Variants in CATSPERT observed in about 807,000 individuals in gnomAD.
CATSPERT encodes cation channel sperm-associated targeting subunit tau.
chr2:201,581,664 A>C, the CATSPERT span, among the ~76,000 whole-genome samples: 1 of 140,882 alleles, frequency 7.1e-6, no homozygotes, highest in African/African-American at 2.7e-5. Flanking sequence ...GCTGGAGTGC[A>C]ATGGTGCAAT....
chr2:201,582,729 C>G, the CATSPERT span, among the ~76,000 whole-genome samples: 1 of 152,116 alleles, frequency 6.6e-6, no homozygotes, highest in Non-Finnish European at 1.5e-5. Flanking sequence ...AACTCTCTCC[C>G]AACCCTGAGC....
chr2:201,532,564 T>C, the CATSPERT span, among the ~76,000 whole-genome samples: 9 of 152,242 alleles, frequency 5.9e-5, no homozygotes, highest in East Asian at 1.5e-3. Flanking sequence ...GTTACAGGGC[T>C]GAATGAATAA....
At chr2:201,489,383 T>C in the CATSPERT span, among the ~76,000 whole-genome samples, 6 of 152,140 alleles carry the variant, frequency 3.9e-5, no homozygotes, top group Non-Finnish European at 8.8e-5. Context: ...TCTTCTACCT[T>C]TTTTCCGAGT....
chr2:201,491,947 T>G, the CATSPERT span: 1 of 1,537,022 alleles, frequency 6.5e-7, no homozygotes. Context: ...TTCTGATGAC[T>G]TACTTAATGG....
At chr2:201,509,573 A>T in the CATSPERT span, among the ~76,000 whole-genome samples, 1 of 150,978 alleles carries the variant, frequency 6.6e-6, no homozygotes, top group African/African-American at 2.5e-5. Flanking sequence ...CAGTTTTCTC[A>T]TGAAAAGAGA....
the CATSPERT span, among the ~76,000 whole-genome samples, chr2:201,610,524 T>C: frequency 6.6e-6 from 1 of 151,736 alleles, no homozygotes; most frequent in Admixed American, 6.6e-5. Flanking sequence ...TGCTGAATTC[T>C]ACCAAACTCT....
At chr2:201,601,320 T>G in the CATSPERT span, among the ~76,000 whole-genome samples, 3 of 93,250 alleles carry the variant, frequency 3.2e-5, no homozygotes, top group African/African-American at 1.1e-4. Context: ...GTGTGTGGGT[T>G]GTAATAAAGA....
the CATSPERT span, among the ~76,000 whole-genome samples, chr2:201,596,495 A>G: frequency 6.6e-6 from 1 of 152,158 alleles, no homozygotes; most frequent in African/African-American, 2.4e-5. Flanking sequence ...CCTGGTGATG[A>G]AATAATCTGT....
chr2:201,605,294 C>A, the CATSPERT span, among the ~76,000 whole-genome samples: 24 of 152,218 alleles, frequency 1.6e-4, no homozygotes, highest in Admixed American at 1.4e-3. Flanking sequence ...GACCACAGGT[C>A]TAGGAGTTGG....
chr2:201,581,373 G>A, the CATSPERT span, among the ~76,000 whole-genome samples: 1 of 146,934 alleles, frequency 6.8e-6, no homozygotes, highest in Non-Finnish European at 1.5e-5. Context: ...TTATTTTCCA[G>A]AAAGTTAGTT....
chr2:201,524,395 A>G, the CATSPERT span, among the ~76,000 whole-genome samples: 4 of 152,332 alleles, frequency 2.6e-5, no homozygotes, highest in Admixed American at 2.6e-4. Context: ...CTAAGAGGAA[A>G]TAAGATCATT....
At chr2:201,545,438 A>T in the CATSPERT span, 1 of 762,488 alleles carries the variant, frequency 1.3e-6, no homozygotes, top group Non-Finnish European at 2.1e-6. Flanking sequence ...TTATTTCCTA[A>T]CAAAACAGAA....
At chr2:201,515,195 G>C in the CATSPERT span, among the ~76,000 whole-genome samples, 8 of 72,952 alleles carry the variant, frequency 1.1e-4, 1 homozygote, top group South Asian at 1.7e-3. Context: ...TTGTGAATCT[G>C]CCCATAGTTT....
chr2:201,589,682 T>C, the CATSPERT span, among the ~76,000 whole-genome samples: 1 of 152,032 alleles, frequency 6.6e-6, no homozygotes, highest in Non-Finnish European at 1.5e-5. Flanking sequence ...AGCAATACCA[T>C]TCAGGACATA....
At chr2:201,536,014 A>G in the CATSPERT span, 1 of 1,612,756 alleles carries the variant, frequency 6.2e-7, no homozygotes. Context: ...ATACTCCTCA[A>G]ATTTACCTCT....
At chr2:201,593,879 CAT>C in the CATSPERT span, among the ~76,000 whole-genome samples, 6 of 151,702 alleles carry the variant, frequency 4.0e-5, no homozygotes, top group African/African-American at 1.5e-4. Flanking sequence ...TGTCTCTGCA[CAT>C]GAGATGGGTT....
the CATSPERT span, chr2:201,582,363 T>C: frequency 1.3e-6 from 1 of 795,180 alleles, no homozygotes; most frequent in East Asian, 3.4e-5. Flanking sequence ...TAAATATTAT[T>C]TGCATACCTA....
chr2:201,582,065 C>T, the CATSPERT span: 3 of 1,589,258 alleles, frequency 1.9e-6, no homozygotes, highest in Non-Finnish European at 2.6e-6. Context: ...CAACGTGATA[C>T]CAAGGTGAAA....
chr2:201,565,279 T>C, the CATSPERT span, among the ~76,000 whole-genome samples: 500 of 145,004 alleles, frequency 3.4e-3, 9 homozygotes, highest in Admixed American at 0.03. Context: ...GAGACCAGAC[T>C]GGTCAACAGA....
Sources: gnomAD v4.1 joint callset for allele counts (sites outside exome capture counted in the v4.1 genomes callset) on GRCh38, gnomAD v4.1.1 for gene constraint, MANE v1.5 for transcripts, NCBI Gene and HGNC (gene_info 2026-07-23, HGNC 2026-07-21) for gene names.